The following LRRK1 variants were observed in gnomAD, a reference collection of about 807,000 sequenced individuals.
The protein encoded by LRRK1 is leucine-rich repeat serine/threonine-protein kinase 1.
A neutral mutation model predicts 209.1 loss-of-function variants in LRRK1; 113 were observed. That is an observed-to-expected ratio of 0.54 (90% CI 0.46 to 0.63). The LOEUF (loss-of-function observed/expected upper bound fraction) is 0.63, where lower values mean the gene tolerates loss of function less well. LRRK1 is among the 30% of genes least tolerant of loss of function. LRRK1 has a pLI of 0.00. For synonymous variants in LRRK1, 1,144 were observed against 1,099.7 expected, an observed-to-expected ratio of 1.04 and a Z score of -0.80; for missense variants, 2,284 against 2,632.2, an observed-to-expected ratio of 0.87 and a Z score of 2.89.
Position 100,983,877 on chromosome 15 carries a change from C to A in LRRK1, c.433+178C>A, listed in dbSNP as rs752348298. On this transcript the variant is annotated intron_variant, in intron 4 of 33. Transcript: ENST00000388948. ...GCCAGCCACATTCCACCTCTCACTC[C>A]CATGAACTCATAAGGGAAATTCTCA... The A allele has an allele frequency of 3.9e-6, 3 of 764,468 alleles. No homozygotes were observed. The Admixed American group carries it at 5.1e-5, about 13-fold the overall frequency. The allele number at this position is 764,468 out of a possible 1,614,324, so 47.4% of individuals were successfully genotyped here.
chr15:100,941,372 ATG>A (rs1368071388), intron 2 of LRRK1, among the ~76,000 whole-genome samples: 1 of 47,526 alleles, frequency 2.1e-5, no homozygotes, highest in African/African-American at 9.5e-5. Flanking sequence ...GTGTGCCTGT[ATG>A]TGTGTGTCTG....
At position 100,985,872 on chromosome 15, in the gene LRRK1, G is replaced by GGAGTAAGACCACTC. The variant is rs554750361; in HGVS notation, c.433+2173_433+2174insGAGTAAGACCACTC. On this transcript the variant is annotated intron_variant, in intron 4 of 33. Coordinates refer to ENST00000388948, the MANE Select transcript of LRRK1 (RefSeq NM_024652.6). ...AGTTCCCAAGCTGGAAGGGAAGTCA[G>GGAGTAAGACCACTC]CCATGGTCAGGAGTAAGTCAAGACA... Among the ~76,000 whole-genome samples the GGAGTAAGACCACTC allele has an allele frequency of 9.7e-3, 1,479 of 152,312 alleles. 30 individuals are homozygous for GGAGTAAGACCACTC. Among genetic ancestry groups the GGAGTAAGACCACTC allele is most frequent in the African/African-American group, 0.034 (1,415 of 41,572 alleles).
chr15:100,945,864 C>G (rs563544585), intron 2 of LRRK1, among the ~76,000 whole-genome samples: 1 of 152,086 alleles, frequency 6.6e-6, no homozygotes, highest in Admixed American at 6.5e-5. Flanking sequence ...CTGTTAGTGT[C>G]GGCACGGTAT....
In LRRK1 at chr15:101,069,705, A is replaced by G. The variant is rs1324696042; in HGVS notation, c.*857A>G. 1.3e-5 allele frequency: 2 copies of G among 152,636 alleles called. No homozygotes were observed. The highest frequency in any genetic ancestry group is 2.9e-5 in the Non-Finnish European group (2 of 68,024). 9.5% of individuals were successfully genotyped at this position (152,636 alleles called of 1,614,324 possible). A position where few individuals can be genotyped will look rare whatever the true frequency, so the allele number is the denominator to read the frequency against. On this transcript the variant is annotated 3_prime_UTR_variant, in exon 34 of 34. Coordinates refer to ENST00000388948, the MANE Select transcript of LRRK1 (RefSeq NM_024652.6). The stretch of plus-strand genomic sequence containing the variant: ...GTTTATCACTTTAAAAAATTCAGTA[A>G]TATCTCAGCAGTCAGGCTTCTGGTT...
chr15:101,021,725 T>C (rs2033796232), intron 13 of LRRK1, 120 bp from the exon 14 acceptor site: 2 of 636,322 alleles, frequency 3.1e-6, no homozygotes, highest in Non-Finnish European at 2.8e-6. Context: ...GGGCTCAAAG[T>C]GTGGGGTCTG....
At chr15:101,044,342 G>A (rs1451076137) in intron 20 of LRRK1, among the ~76,000 whole-genome samples, 1 of 152,232 alleles carries the variant, frequency 6.6e-6, no homozygotes, top group Non-Finnish European at 1.5e-5. Flanking sequence ...CTGTCTCAGT[G>A]GGGTGGCATG....
intron 2 of LRRK1, among the ~76,000 whole-genome samples, chr15:100,944,801 TG>T (rs1474157029): frequency 6.6e-6 from 1 of 152,228 alleles, no homozygotes; most frequent in Admixed American, 6.5e-5. Flanking sequence ...AAACTTTAGT[TG>T]TTTGAAAATG....
chr15:100,929,646 C>G lies in LRRK1; in HGVS notation c.97+4917C>G, dbSNP rs138243761. Among the ~76,000 whole-genome samples the G allele has an allele frequency of 6.4e-3, 982 of 152,278 alleles. 9 individuals are homozygous for G. The highest frequency in any genetic ancestry group is 0.022 in the African/African-American group (929 of 41,550). ...CAGGAAAGTCTACGAGGGACAGATC[C>G]CCAGTGATGAGCCAGCCCACATCTC... On this transcript the variant is annotated intron_variant, in intron 2 of 33. Transcript: ENST00000388948.
chr15:101,045,707 T>G lies in LRRK1; in HGVS notation c.2964-274T>G, dbSNP rs553969021. On this transcript the variant is annotated intron_variant, in intron 20 of 33. Transcript: ENST00000388948. Reference sequence around the variant, plus strand: ...CATTTTTAGGACCATGATGTTTTCATGTCTTCCCTTAGCCTTATTCTAGTA... The same window carrying G: ...CATTTTTAGGACCATGATGTTTTCAGGTCTTCCCTTAGCCTTATTCTAGTA... Among the ~76,000 whole-genome samples the G allele has an allele frequency of 7.2e-4, 109 of 152,354 alleles. No individual in the cohort carries two copies. In the Middle Eastern group the frequency reaches 0.01, roughly 14 times the overall value.
chr15:101,062,008 C>T (rs1294005885), intron 30 of LRRK1, among the ~76,000 whole-genome samples: 1 of 152,238 alleles, frequency 6.6e-6, no homozygotes, highest in African/African-American at 2.4e-5. Flanking sequence ...CCTCAGAAAT[C>T]TCAGTGTTAA....
At position 101,065,697 on chromosome 15, in the gene LRRK1, C is replaced by A. The variant is rs1409394167; in HGVS notation, c.5260C>A (p.Leu1754Met). The A allele has an allele frequency of 1.9e-6, 3 of 1,614,004 alleles. No individual in the cohort carries two copies. Among genetic ancestry groups the A allele is most frequent in the Non-Finnish European group, 2.5e-6 (3 of 1,180,022 alleles). The change falls in exon 32 of 34, where the codon CTG becomes ATG. Residue 1754 changes from leucine to methionine, a missense_variant. Around this residue, in one of 6 missense-constraint regions of LRRK1, gnomAD observed 643 missense variants for 695.9 expected, o/e 0.92. Transcript: ENST00000388948. ...EGRGEEVVWC[L>M]DDKANSLVMY... is the part of the protein sequence containing the mutation. ...CAGAGGGGAGGAGGTCGTCTGGTGC[C>A]TGGATGACAAGGCCAACTCCTTGGT...
At chr15:100,971,968 T>TTC (rs2030913219) in intron 2 of LRRK1, among the ~76,000 whole-genome samples, 1 of 13,464 alleles carries the variant, frequency 7.4e-5, no homozygotes, top group Non-Finnish European at 2.4e-4. Flanking sequence ...GACAAAAGAA[T>TTC]TTTTTTTTTT....
chr15:101,065,854 A>G lies in LRRK1; in HGVS notation c.5417A>G (p.Lys1806Arg). Residue 1806 changes from lysine to arginine, a missense_variant, in exon 32 of 34, where the codon AAG (lysine) becomes AGG (arginine). Around this residue, in one of 6 missense-constraint regions of LRRK1, gnomAD observed 643 missense variants for 695.9 expected, o/e 0.92. Coordinates refer to ENST00000388948, the MANE Select transcript of LRRK1 (RefSeq NM_024652.6). The part of the protein sequence containing the change: ...PPAASHTANP[K>R]VPEGDSIADV... Reference sequence around the variant, plus strand: ...GCAGCCAGCCACACGGCCAACCCAAAGGTGCCTGAGGGGGACTCCATCGCG... The same window carrying G: ...GCAGCCAGCCACACGGCCAACCCAAGGGTGCCTGAGGGGGACTCCATCGCG... 7 of 1,614,106 alleles carry G rather than the reference A, an allele frequency of 4.3e-6. No homozygotes were observed. Among genetic ancestry groups the G allele is most frequent in the Non-Finnish European group, 5.9e-6 (7 of 1,180,006 alleles).
intron 20 of LRRK1, among the ~76,000 whole-genome samples, chr15:101,039,666 G>C (rs1042302773): frequency 2.0e-5 from 3 of 152,136 alleles, no homozygotes; most frequent in African/African-American, 7.2e-5. Flanking sequence ...GTGATCTCAG[G>C]GGGGAAGCAT....
Position 100,923,448 on chromosome 15 carries a change from G to A in LRRK1, c.-122-1063G>A, listed in dbSNP as rs538278433. 9.2e-5 allele frequency among the ~76,000 whole-genome samples: 14 copies of A among 152,336 alleles called. No homozygotes were observed. The East Asian group carries it at 2.5e-3, about 27-fold the overall frequency. On this transcript the variant is annotated intron_variant, in intron 1 of 33. Transcript: ENST00000388948. ...CTCCCCATTTCAGAGTTGTCTATCT[G>A]AGAGAACACAGACAAGAGGTGCTAA...
intron 6 of LRRK1, among the ~76,000 whole-genome samples, chr15:100,990,279 A>G (rs1567218859): frequency 6.6e-6 from 1 of 152,206 alleles, no homozygotes; most frequent in Non-Finnish European, 1.5e-5. Flanking sequence ...TTAAATACAT[A>G]GAGCCAGTGT....
Position 101,026,063 on chromosome 15 carries a change from T to C in LRRK1, c.2331T>C (p.Tyr777=), listed in dbSNP as rs749048874. The C allele has an allele frequency of 2.2e-5, 36 of 1,614,264 alleles. No individual in the cohort carries two copies. The Middle Eastern group carries it at 4.9e-4, about 22-fold the overall frequency. ...RVERIATLRA[Y]VLALCRSPSG... is the part of the protein sequence containing the mutation. ...AAAGGATTGCAACGCTGCGTGCCTA[T>C]GTGCTGGCACTCTGCCGCTCCCCCT... The change falls in exon 17 of 34, where the codon TAT becomes TAC. Residue 777 remains tyrosine, a synonymous_variant. Transcript: ENST00000388948.
At chr15:101,004,799 G>A (rs999655979) in intron 6 of LRRK1, among the ~76,000 whole-genome samples, 1 of 152,254 alleles carries the variant, frequency 6.6e-6, no homozygotes, top group South Asian at 2.1e-4. Flanking sequence ...GGTGCTGAGA[G>A]GGAGGCTGCC....
chr15:101,024,742 T>A lies in LRRK1; in HGVS notation c.2068-61T>A. 6.4e-7 allele frequency: 1 copy of A among 1,555,602 alleles called. No homozygotes were observed. Among genetic ancestry groups the A allele is most frequent in the Non-Finnish European group, 8.8e-7 (1 of 1,137,214 alleles). On this transcript the variant is annotated intron_variant, in intron 15 of 33. Coordinates refer to ENST00000388948, the MANE Select transcript of LRRK1 (RefSeq NM_024652.6). The surrounding 1 kb of genome is among the most constrained non-coding windows in gnomAD (Gnocchi z 4.6). ...TCCAGAGTTATCCGTTGTCTCCGTT[T>A]GATTGACTGAAGCCTTTGTCTCTAA...
Sources: allele counts gnomAD v4.1 joint callset (sites outside exome capture counted in the v4.1 genomes callset), GRCh38; gene constraint gnomAD v4.1.1; regional missense constraint gnomAD v4.1.1; non-coding constraint Gnocchi (gnomAD v3.1); transcripts MANE v1.5; gene names NCBI Gene and HGNC (gene_info 2026-07-23, HGNC 2026-07-21).